Variants in ZMYM6 observed in about 807,000 individuals in gnomAD.
ZMYM6 encodes zinc finger MYM-type containing 6.
In ZMYM6, 90 loss-of-function variants were observed where a neutral mutation model predicts 134.0. The observed-to-expected ratio is 0.67, with a 90% confidence interval of 0.57 to 0.80. The LOEUF is 0.80. Ranked by LOEUF, ZMYM6 falls within the 30% of genes least tolerant of loss-of-function variation. The pLI, the probability that ZMYM6 is intolerant of heterozygous loss-of-function variation, is 0.00. For synonymous variants in ZMYM6, 481 were observed against 524.1 expected (o/e 0.92, Z 1.12); for missense variants, 1,362 against 1,533.9 (o/e 0.89, Z 1.87).
chr1:35,026,059 C>T (rs545493945), intron 2 of ZMYM6, among the ~76,000 whole-genome samples: 60 of 152,028 alleles, frequency 3.9e-4, no homozygotes, highest in African/African-American at 1.4e-3. Context: ...CTCCCTTTGT[C>T]GTCCAGATTG....
intron 15 of ZMYM6, 35 bp downstream of exon 15, chr1:34,992,199 A>G: frequency 6.2e-7 from 1 of 1,613,298 alleles, no homozygotes; most frequent in Admixed American, 1.7e-5. Flanking sequence ...GCCAGAAAAC[A>G]AGCTTTGTAC....
At chr1:35,014,367 C>T (rs1446127901) in intron 6 of ZMYM6, among the ~76,000 whole-genome samples, 1 of 152,146 alleles carries the variant, frequency 6.6e-6, no homozygotes, top group Non-Finnish European at 1.5e-5. Context: ...CTTTGGGAGG[C>T]TGAGGCGAGT....
In ZMYM6 at chr1:34,987,431, G is replaced by A. The variant is rs1016612368; in HGVS notation, c.3651C>T (p.His1217=). Reference sequence around the variant, plus strand: ...TATTATTTTGGTGATTCATAAAAGGGTGAATTATCCACAAATTTCCTGAAC... The same window carrying A: ...TATTATTTTGGTGATTCATAAAAGGATGAATTATCCACAAATTTCCTGAAC... ...DLRSGNLWII[H]PFMNHQNNNL... Residue 1217 remains histidine, a synonymous_variant, in exon 16 of 16, where the codon CAC becomes CAT. Coordinates refer to ENST00000357182, the MANE Select transcript of ZMYM6 (RefSeq NM_007167.4). The A allele has an allele frequency of 9.3e-6, 15 of 1,613,830 alleles. No homozygotes were observed. Among genetic ancestry groups the A allele is most frequent in the Non-Finnish European group, 1.3e-5 (15 of 1,179,988 alleles).
intron 14 of ZMYM6, among the ~76,000 whole-genome samples, chr1:34,992,720 A>C (rs28436613): frequency 9.3e-6 from 1 of 107,540 alleles, no homozygotes; most frequent in East Asian, 5.0e-4. Flanking sequence ...AAACTATAAA[A>C]ATAAAAATAT....
At chr1:35,012,748 C>T in intron 6 of ZMYM6, 167 bp from the exon 7 acceptor site, 1 of 985,276 alleles carries the variant, frequency 1.0e-6, no homozygotes, top group Non-Finnish European at 1.2e-6. Context: ...TTCTTCCAGA[C>T]AACAATAAAA....
At chr1:35,008,489 A>G (rs544798731) in intron 11 of ZMYM6, among the ~76,000 whole-genome samples, 3 of 152,248 alleles carry the variant, frequency 2.0e-5, no homozygotes, top group Non-Finnish European at 2.9e-5. Context: ...AACCTGAAAG[A>G]AGTCAAATAA....
At chr1:35,025,466 C>CAAAAAAAAAAAAA (rs1161814959) in intron 2 of ZMYM6, among the ~76,000 whole-genome samples, 5 of 55,006 alleles carry the variant, frequency 9.1e-5, no homozygotes, top group East Asian at 9.3e-4. Context: ...GACTCCATCC[C>CAAAAAAAAAAAAA]AAAAAAAAAA....
chr1:35,021,144 C>CTCATTCTGTCACCCAGGCTGGAGTT (rs1310756260), intron 2 of ZMYM6, among the ~76,000 whole-genome samples: 1 of 142,028 alleles, frequency 7.0e-6, no homozygotes. Flanking sequence ...GACATGGAGT[C>CTCATTCTGTCACCCAGGCTGGAGTT]TCATTCTGTC....
intron 14 of ZMYM6, among the ~76,000 whole-genome samples, chr1:34,995,865 A>G (rs1026843106): frequency 1.3e-5 from 2 of 152,208 alleles, no homozygotes; most frequent in African/African-American, 4.8e-5. Flanking sequence ...TATTACCAAG[A>G]TTCAGAACCT....
At chr1:34,995,357 A>G (rs549744356) in intron 14 of ZMYM6, among the ~76,000 whole-genome samples, 2 of 151,094 alleles carry the variant, frequency 1.3e-5, no homozygotes, top group Non-Finnish European at 3.0e-5. Flanking sequence ...GTATATGTAT[A>G]TATGTTGCCT....
chr1:35,021,118 AT>A (rs375899509), intron 2 of ZMYM6, among the ~76,000 whole-genome samples: 245 of 139,194 alleles, frequency 1.8e-3, no homozygotes, highest in Admixed American at 2.6e-3. Context: ...GAAAAAAAAA[AT>A]TTTTTTTTTT....
chr1:35,002,495 T>C (rs75789951), intron 14 of ZMYM6, among the ~76,000 whole-genome samples: 7 of 152,358 alleles, frequency 4.6e-5, no homozygotes, highest in African/African-American at 1.7e-4. Flanking sequence ...GCATAGATGA[T>C]AGATTGCCCT....
intron 14 of ZMYM6, among the ~76,000 whole-genome samples, chr1:35,000,427 TGG>T (rs1640860508): frequency 6.6e-6 from 1 of 151,584 alleles, no homozygotes; most frequent in Non-Finnish European, 1.5e-5. Context: ...TCAGTAGAGA[TGG>T]GGTTTTGCCA....
At chr1:35,006,006 CA>C (rs754935055) in intron 12 of ZMYM6, among the ~76,000 whole-genome samples, 2 of 152,162 alleles carry the variant, frequency 1.3e-5, no homozygotes, top group Non-Finnish European at 2.9e-5. Flanking sequence ...AACATAATAG[CA>C]AGTGGCTTTT....
intron 4 of ZMYM6, among the ~76,000 whole-genome samples, chr1:35,015,743 A>AAATATATAT: frequency 3.8e-5 from 4 of 106,474 alleles, no homozygotes; most frequent in African/African-American, 2.0e-4. Flanking sequence ...AAAAAAAAAA[A>AAATATATAT]ATATATATAT....
intron 2 of ZMYM6, among the ~76,000 whole-genome samples, chr1:35,028,317 C>CA (rs200029753): frequency 0.082 from 8,741 of 106,828 alleles, 556 homozygotes; most frequent in East Asian, 0.43. Flanking sequence ...GACTCCATCT[C>CA]AAAAAAAAAA....
intron 4 of ZMYM6, 48 bp from the exon 5 acceptor site, chr1:35,015,210 G>GT: frequency 1.3e-6 from 2 of 1,484,194 alleles, no homozygotes; most frequent in Non-Finnish European, 1.8e-6. Flanking sequence ...CTTCACAACT[G>GT]TAACTTCCTC....
At position 35,030,656 on chromosome 1, in the gene ZMYM6, A is replaced by G. The variant is rs138473812; in HGVS notation, c.-17T>C. The G allele has an allele frequency of 1.1e-3, 1,761 of 1,608,868 alleles. 27 individuals are homozygous for G. In the East Asian group the frequency reaches 0.032, roughly 29 times the overall value. On this transcript the variant is annotated 5_prime_UTR_variant, in exon 2 of 16. Transcript: ENST00000357182. Reference sequence around the variant, plus strand: ...TTCTTTCATTCTAATTTTTTACCTCAAAGAGTGTCTCAGGCTCAAACGAAT... The same window carrying G: ...TTCTTTCATTCTAATTTTTTACCTCGAAGAGTGTCTCAGGCTCAAACGAAT...
At chr1:35,002,562 C>T (rs1352292087) in intron 14 of ZMYM6, among the ~76,000 whole-genome samples, 1 of 152,036 alleles carries the variant, frequency 6.6e-6, no homozygotes, top group African/African-American at 2.4e-5. Context: ...AATTTTTTTC[C>T]ATTTATTCCA....
Sources: gnomAD v4.1 joint callset for allele counts (sites outside exome capture counted in the v4.1 genomes callset) on GRCh38, gnomAD v4.1.1 for gene constraint, MANE v1.5 for transcripts, NCBI Gene and HGNC (gene_info 2026-07-23, HGNC 2026-07-21) for gene names.